Variants in SLC5A10 observed in about 807,000 individuals in gnomAD.
SLC5A10 encodes sodium/mannose cotransporter SLC5A10.
In SLC5A10, 55 loss-of-function variants were observed where a neutral mutation model predicts 68.9. The ratio of observed to expected loss-of-function variants is 0.80; its 90% confidence interval spans 0.64 to 1.00. The LOEUF is 1.00. Among genes scored for constraint, SLC5A10 ranks in the 50% least tolerant of loss-of-function variants. The pLI, the probability that SLC5A10 is intolerant of heterozygous loss-of-function variation, is 0.00. For synonymous variants in SLC5A10, 344 were observed against 344.8 expected, an observed-to-expected ratio of 1.00 and a Z score of 0.02; for missense variants, 732 against 819.3, an observed-to-expected ratio of 0.89 and a Z score of 1.30.
At chr17:19,010,124 G>A (rs1348624441) in intron 9 of SLC5A10, among the ~76,000 whole-genome samples, 1 of 152,144 alleles carries the variant, frequency 6.6e-6, no homozygotes, top group Non-Finnish European at 1.5e-5. Context: ...GAGAGGCACG[G>A]AGCGGGTTTG....
At chr17:18,974,601 A>T (rs763035149) in intron 8 of SLC5A10, among the ~76,000 whole-genome samples, 1 of 152,208 alleles carries the variant, frequency 6.6e-6, no homozygotes, top group Non-Finnish European at 1.5e-5. Context: ...CATAACAGCA[A>T]CCACAGCTTT....
At chr17:19,020,088 T>A (rs1285369111) in intron 13 of SLC5A10, 67 bp from the exon 14 acceptor site, 21 of 1,502,348 alleles carry the variant, frequency 1.4e-5, no homozygotes, top group African/African-American at 4.1e-5. Flanking sequence ...CAACCTTTGA[T>A]CCTGTCTGGG....
chr17:18,979,646 T>C (rs1663405682), intron 9 of SLC5A10: 4 of 1,613,412 alleles, frequency 2.5e-6, no homozygotes, highest in Non-Finnish European at 3.4e-6. Context: ...AAGAACTCAG[T>C]TCCCCCGCTG....
At position 18,959,202 on chromosome 17, in the gene SLC5A10, C is replaced by T. The variant is rs749493783; in HGVS notation, c.251C>T (p.Ala84Val). ...TTCATTGGACTGGCGGGCTCAGGCG[C>T]GGCAGGAGGTCTGGCCGTGGCAGGC... ...GLFIGLAGSG[A>V]AGGLAVAGFE... is the part of the protein sequence containing the mutation. Residue 84 changes from alanine (A) to valine (V), a missense_variant, in exon 3 of 15, where the codon GCG becomes GTG. Ala to Val is a moderately conservative substitution (Grantham distance 64). Transcript: ENST00000395645. The T allele has an allele frequency of 6.8e-6, 11 of 1,613,034 alleles. No homozygotes were observed. Among genetic ancestry groups the T allele is most frequent in the Middle Eastern group, 1.7e-4 (1 of 6,032 alleles).
Position 19,004,199 on chromosome 17 carries a change from G to A in SLC5A10, c.983-9211G>A. The A allele has an allele frequency of 1.6e-6, 1 of 639,952 alleles. No homozygotes were observed. Among genetic ancestry groups the A allele is most frequent in the Non-Finnish European group, 2.5e-6 (1 of 403,814 alleles). 39.6% of individuals were successfully genotyped at this position (639,952 alleles called of 1,614,324 possible). On this transcript the variant is annotated intron_variant, in intron 9 of 14. Coordinates refer to ENST00000395645, the MANE Select transcript of SLC5A10 (RefSeq NM_001042450.4). This position sits in a 1 kb window ranked among gnomAD's most constrained non-coding sequence, Gnocchi z 5.4. ...GGGAAAGACCTGATGAGCCCGGCTCGGCGGGGAGGGCGGGCCGCGCGGGGA... is the reference window on the plus strand; with the variant it reads ...GGGAAAGACCTGATGAGCCCGGCTCAGCGGGGAGGGCGGGCCGCGCGGGGA...
In SLC5A10 at chr17:19,018,389, G is replaced by C. The variant is rs1258834847; in HGVS notation, c.1242-1034G>C. 2.0e-5 allele frequency: 3 copies of C among 152,460 alleles called. No individual in the cohort carries two copies. The highest frequency in any genetic ancestry group is 3.9e-4 in the East Asian group (2 of 5,180). 9.4% of individuals were successfully genotyped at this position (152,460 alleles called of 1,614,324 possible). On this transcript the variant is annotated intron_variant, in intron 11 of 14. Coordinates refer to ENST00000395645, the MANE Select transcript of SLC5A10 (RefSeq NM_001042450.4). This position sits in a 1 kb window ranked among gnomAD's most constrained non-coding sequence, Gnocchi z 4.2. Reference sequence around the variant, plus strand: ...CATGCCCCTCAAGGCTCGGGGAGGGGGTGCCTCCTCCTGAAAGCCCTCCTA... The same window carrying C: ...CATGCCCCTCAAGGCTCGGGGAGGGCGTGCCTCCTCCTGAAAGCCCTCCTA...
chr17:18,988,143 T>G, intron 9 of SLC5A10: 1 of 1,494,248 alleles, frequency 6.7e-7, no homozygotes, highest in Non-Finnish European at 8.9e-7. Context: ...TCTGAGTGCC[T>G]GGCACAGGAC....
chr17:19,015,399 T>A (rs1399263955), intron 11 of SLC5A10, among the ~76,000 whole-genome samples, 200 bp downstream of exon 11: 1 of 152,128 alleles, frequency 6.6e-6, no homozygotes, highest in Non-Finnish European at 1.5e-5. Flanking sequence ...ACAGCCCTCA[T>A]CTGGGATGCA....
chr17:18,950,850 G>A (rs2042358445), upstream of SLC5A10: 2 of 215,964 alleles, frequency 9.3e-6, no homozygotes, highest in Admixed American at 6.5e-5. Context: ...CAAGTAGCTG[G>A]GATTACAGGT....
In SLC5A10 at chr17:19,017,294, C is replaced by A; in HGVS notation, c.1241+2095C>A. 6.4e-7 allele frequency: 1 copy of A among 1,552,090 alleles called. No individual in the cohort carries two copies. The highest frequency in any genetic ancestry group is 8.7e-7 in the Non-Finnish European group (1 of 1,147,068). ...CCGTCCCTCTTACAGCACTGGGATACCCTCAACACCCCCAGCCCCTCAAAG... is the reference window on the plus strand; with the variant it reads ...CCGTCCCTCTTACAGCACTGGGATAACCTCAACACCCCCAGCCCCTCAAAG... On this transcript the variant is annotated intron_variant, in intron 11 of 14. Coordinates refer to ENST00000395645, the MANE Select transcript of SLC5A10 (RefSeq NM_001042450.4). This position sits in a 1 kb window ranked among gnomAD's most constrained non-coding sequence, Gnocchi z 5.6.
rs114191272 is a variant in SLC5A10 at position 18,971,175 on chromosome 17, T to C, written c.803T>C (p.Phe268Ser). The part of the protein sequence containing the change: ...TGDLPWTGMT[F>S]GLTIMATWYW... ...GACCTGCCGTGGACCGGGATGACCT[T>C]TGGCCTGACCATCATGGCCACCTGG... The change falls in exon 8 of 15, where the codon TTT becomes TCT. Residue 268 changes from phenylalanine (F) to serine (S), a missense_variant. Transcript: ENST00000395645. The surrounding 1 kb of genome is among the most constrained non-coding windows in gnomAD (Gnocchi z 5.5). 1 of 1,614,044 alleles carries C rather than the reference T, an allele frequency of 6.2e-7. No individual in the cohort carries two copies. Among genetic ancestry groups the C allele is most frequent in the African/African-American group, 1.3e-5 (1 of 75,064 alleles).
chr17:18,971,372 C>CAGT lies in SLC5A10; in HGVS notation c.846+154_846+155insAGT. Reference sequence around the variant, plus strand: ...TGGGACATGCTGCTAGGGGTCTTTGCGGTCCCGGGGGGCTTGAGCCCTCCG... The same window carrying CAGT: ...TGGGACATGCTGCTAGGGGTCTTTGCAGTGGTCCCGGGGGGCTTGAGCCCTCCG... On this transcript the variant is annotated intron_variant, in intron 8 of 14. Transcript: ENST00000395645. This position sits in a 1 kb window ranked among gnomAD's most constrained non-coding sequence, Gnocchi z 5.5. The CAGT allele has an allele frequency of 3.1e-6, 5 of 1,611,774 alleles. No individual in the cohort carries two copies. Among genetic ancestry groups the CAGT allele is most frequent in the Non-Finnish European group, 2.5e-6 (3 of 1,179,020 alleles).
At chr17:18,976,652 C>T in intron 8 of SLC5A10, 1 of 630,750 alleles carries the variant, frequency 1.6e-6, no homozygotes, top group Non-Finnish European at 2.7e-6. Context: ...TACCTCGGCT[C>T]TCGCTGCTTG....
At chr17:18,957,712 C>G (rs1428877783) in intron 1 of SLC5A10, among the ~76,000 whole-genome samples, 1 of 152,240 alleles carries the variant, frequency 6.6e-6, no homozygotes, top group Non-Finnish European at 1.5e-5. Flanking sequence ...GATCCACCCA[C>G]CTCGGCCTCC....
chr17:18,967,175 C>CCTCTA (rs2042728073), intron 5 of SLC5A10, among the ~76,000 whole-genome samples: 1 of 152,142 alleles, frequency 6.6e-6, no homozygotes, highest in Non-Finnish European at 1.5e-5. Context: ...TGCAGGCAAC[C>CCTCTA]GCACACCTAC....
Position 18,971,012 on chromosome 17 carries a change from G to A in SLC5A10, c.641-1G>A. 1.2e-6 allele frequency: 2 copies of A among 1,613,914 alleles called. No individual in the cohort carries two copies. The highest frequency in any genetic ancestry group is 1.7e-6 in the Non-Finnish European group (2 of 1,180,030). On this transcript the variant is annotated splice_acceptor_variant, in intron 7 of 14. Transcript: ENST00000395645. LOFTEE classifies it high-confidence loss of function. The surrounding 1 kb of genome is among the most constrained non-coding windows in gnomAD (Gnocchi z 5.5). ...TCCCTGTTCCACCCTGACCCCTCCA[G>A]CTTTTGACCAGATCGGTGGTTACGG...
intron 9 of SLC5A10, among the ~76,000 whole-genome samples, chr17:18,981,704 T>G (rs1021802252): frequency 3.3e-5 from 5 of 152,044 alleles, no homozygotes; most frequent in Non-Finnish European, 7.4e-5. Flanking sequence ...GGATAAACCA[T>G]AGCCTTTTCA....
In SLC5A10 at chr17:19,015,427, G is replaced by T. The variant is rs75957782; in HGVS notation, c.1241+228G>T. Among the ~76,000 whole-genome samples, 1,465 of 152,214 alleles carry T rather than the reference G, an allele frequency of 9.6e-3. 121 individuals carry two copies. In the East Asian group the frequency reaches 0.2, roughly 21 times the overall value. ...GGGATGCATCTCCACCCTTGAGCTG[G>T]ATTCCTTCTGCAGGGGCCAGCCCTC... On this transcript the variant is annotated intron_variant, in intron 11 of 14. Coordinates refer to ENST00000395645, the MANE Select transcript of SLC5A10 (RefSeq NM_001042450.4).
rs773937697 is a variant in SLC5A10 at position 18,976,863 on chromosome 17, C to A, written c.856C>A (p.Gln286Lys). The change falls in exon 9 of 15, where the codon CAG (glutamine) becomes AAG (lysine). Residue 286 changes from glutamine to lysine, a missense_variant. Physicochemically the swap from Gln to Lys is moderately conservative, Grantham distance 53 (BLOSUM62 1). Coordinates refer to ENST00000395645, the MANE Select transcript of SLC5A10 (RefSeq NM_001042450.4). ...WYWCTDQVIV[Q>K]RSLSARDLNH... ...CGCACTCCACCCCCAGGTCATCGTG[C>A]AGCGATCACTGTCAGCCCGGGACCT... 6.2e-7 allele frequency: 1 copy of A among 1,613,292 alleles called. No homozygotes were observed. The highest frequency in any genetic ancestry group is 8.5e-7 in the Non-Finnish European group (1 of 1,180,016).
Sources: gnomAD v4.1 joint callset for allele counts (sites outside exome capture counted in the v4.1 genomes callset) on GRCh38, gnomAD v4.1.1 for gene constraint, Gnocchi (gnomAD v3.1) non-coding constraint, MANE v1.5 for transcripts, NCBI Gene and HGNC (gene_info 2026-07-23, HGNC 2026-07-21) for gene names.